MARCHF2: variants seen among roughly 807,000 people sequenced by gnomAD.
MARCHF2 encodes E3 ubiquitin-protein ligase MARCHF2.
MARCHF2 carries 22 observed loss-of-function variants against 24.0 expected under a neutral mutation model. The observed-to-expected ratio is 0.92, with a 90% confidence interval of 0.66 to 1.31. The LOEUF (loss-of-function observed/expected upper bound fraction) is 1.31. Ranked by LOEUF, MARCHF2 falls within the 50% of genes most tolerant of loss-of-function variation. The pLI is 0.00. For synonymous variants in MARCHF2, 154 were observed against 153.0 expected (o/e 1.01, Z -0.05); for missense variants, 301 against 335.3 (o/e 0.90, Z 0.80).
At chr19:8,416,285 T>G (rs1194570432) in intron 1 of MARCHF2, among the ~76,000 whole-genome samples, 1 of 140,330 alleles carries the variant, frequency 7.1e-6, no homozygotes, top group African/African-American at 2.7e-5. Context: ...GAGGTTGCAG[T>G]GAGCTGAGAT....
At chr19:8,434,202 A>C (rs1304459649) in intron 4 of MARCHF2, among the ~76,000 whole-genome samples, 1 of 147,588 alleles carries the variant, frequency 6.8e-6, no homozygotes, top group Non-Finnish European at 1.5e-5. Context: ...CTCCTGTCTC[A>C]GCCTCCTGAG....
intron 2 of MARCHF2, among the ~76,000 whole-genome samples, chr19:8,422,416 A>G (rs1004317211): frequency 2.6e-5 from 4 of 151,220 alleles, no homozygotes; most frequent in African/African-American, 7.3e-5. Flanking sequence ...TTTTTGAAAC[A>G]GAGTCTCATT....
chr19:8,432,760 C>T (rs895454884), intron 4 of MARCHF2, among the ~76,000 whole-genome samples: 2 of 152,004 alleles, frequency 1.3e-5, no homozygotes, highest in Non-Finnish European at 2.9e-5. Flanking sequence ...TACTATACTC[C>T]ACCCTGGGTG....
At chr19:8,424,193 G>A (rs564594722) in intron 2 of MARCHF2, among the ~76,000 whole-genome samples, 1 of 152,260 alleles carries the variant, frequency 6.6e-6, no homozygotes, top group East Asian at 1.9e-4. Flanking sequence ...CATCCCCAGA[G>A]ACTGGGCCAG....
At chr19:8,414,721 G>A (rs1162112198) in intron 1 of MARCHF2, among the ~76,000 whole-genome samples, 1 of 152,164 alleles carries the variant, frequency 6.6e-6, no homozygotes, top group African/African-American at 2.4e-5. Context: ...GGGCAGGTAT[G>A]GAAAAGACTG....
At chr19:8,415,403 A>G (rs1967049268) in intron 1 of MARCHF2, among the ~76,000 whole-genome samples, 1 of 150,858 alleles carries the variant, frequency 6.6e-6, no homozygotes, top group Non-Finnish European at 1.5e-5. Context: ...AAAAGAAAAA[A>G]AAAAAAAAAC....
At chr19:8,428,076 T>C (rs554724378) in intron 3 of MARCHF2, among the ~76,000 whole-genome samples, 7 of 152,182 alleles carry the variant, frequency 4.6e-5, no homozygotes, top group Admixed American at 3.9e-4. Context: ...CTGGCTAACA[T>C]GGTGAAACCC....
chr19:8,438,308 C>A, intron 4 of MARCHF2, 80 bp from the exon 5 acceptor site: 2 of 1,470,048 alleles, frequency 1.4e-6, no homozygotes, highest in Non-Finnish European at 9.4e-7. Context: ...ATGGTTTGGG[C>A]CAACGCAGGT....
chr19:8,429,864 A>G (rs1967530430), intron 3 of MARCHF2, among the ~76,000 whole-genome samples: 2 of 145,070 alleles, frequency 1.4e-5, no homozygotes, highest in African/African-American at 5.1e-5. Context: ...GGGAAGGCCA[A>G]GCGTAGTAGA....
chr19:8,427,267 T>C (rs1440829062), intron 3 of MARCHF2, among the ~76,000 whole-genome samples: 1 of 152,004 alleles, frequency 6.6e-6, no homozygotes, highest in Non-Finnish European at 1.5e-5. Flanking sequence ...CAGGCTGGTC[T>C]CGAACTCCTG....
rs765245587 is a variant in MARCHF2 at position 8,438,421 on chromosome 19, G to C, written c.616G>C (p.Glu206Gln). ...SFRYHCQLYS[E>Q]WRKTNQKVRL... ...CCGCTACCACTGCCAGCTGTACTCCGAGTGGAGAAAGACCAACCAGAAAGT... is the reference window on the plus strand; with the variant it reads ...CCGCTACCACTGCCAGCTGTACTCCCAGTGGAGAAAGACCAACCAGAAAGT... The change falls in exon 5 of 5, where the codon GAG becomes CAG. Residue 206 changes from glutamate to glutamine, a missense_variant. Coordinates refer to ENST00000215555, the MANE Select transcript of MARCHF2 (RefSeq NM_001005415.2). 2 of 1,613,956 alleles carry C rather than the reference G, an allele frequency of 1.2e-6. No homozygotes were observed. Among genetic ancestry groups the C allele is most frequent in the South Asian group, 1.1e-5 (1 of 91,062 alleles).
chr19:8,423,088 C>G (rs1363049997), intron 2 of MARCHF2, among the ~76,000 whole-genome samples: 1 of 148,008 alleles, frequency 6.8e-6, no homozygotes, highest in Non-Finnish European at 1.5e-5. Flanking sequence ...GAGACAGAGT[C>G]TCACTTTGTC....
chr19:8,430,979 C>T lies in MARCHF2; in HGVS notation c.582+112C>T. On this transcript the variant is annotated intron_variant, in intron 4 of 4. Coordinates refer to ENST00000215555, the MANE Select transcript of MARCHF2 (RefSeq NM_001005415.2). This position sits in a 1 kb window ranked among gnomAD's most constrained non-coding sequence, Gnocchi z 4.4. ...CACGGGGCTCCCTGGCTGCCTCTGT[C>T]TATGGCCGTGGGTGGAAGAGAGCTT... 9.1e-7 allele frequency: 1 copy of T among 1,096,204 alleles called. No individual in the cohort carries two copies. The highest frequency in any genetic ancestry group is 1.3e-6 in the Non-Finnish European group (1 of 774,052). The allele number at this position is 1,096,204 out of a possible 1,614,324, so 67.9% of individuals were successfully genotyped here. A position where few individuals can be genotyped will look rare whatever the true frequency, so the allele number is the denominator to read the frequency against.
Position 8,421,860 on chromosome 19 carries a change from G to T in MARCHF2, c.20G>T (p.Cys7Phe). Residue 7 changes from cysteine (C) to phenylalanine (F), a missense_variant, in exon 2 of 5, where the codon TGC (cysteine) becomes TTC (phenylalanine). Cys to Phe is a radical substitution (Grantham distance 205). Transcript: ENST00000215555. ...GTGGCCATGACGACGGGTGACTGCT[G>T]CCACCTCCCCGGCTCCCTGTGTGAC... MTTGDC[C>F]HLPGSLCDCS... The T allele has an allele frequency of 6.2e-7, 1 of 1,611,132 alleles. No individual in the cohort carries two copies. Among genetic ancestry groups the T allele is most frequent in the South Asian group, 1.1e-5 (1 of 90,696 alleles).
At chr19:8,428,651 A>T (rs1465075802) in intron 3 of MARCHF2, among the ~76,000 whole-genome samples, 1 of 31,284 alleles carries the variant, frequency 3.2e-5, no homozygotes, top group Non-Finnish European at 6.4e-5. Context: ...CTCTATCTCA[A>T]AAAAAAAAAA....
At position 8,438,850 on chromosome 19, in the gene MARCHF2, G is replaced by C. The variant is rs1967804104; in HGVS notation, c.*304G>C. Reference sequence around the variant, plus strand: ...GGCACCTTCTGGGCCAGCAGCTGTGGCCGGTGTATCAAGGGCGCCCTTAAA... The same window carrying C: ...GGCACCTTCTGGGCCAGCAGCTGTGCCCGGTGTATCAAGGGCGCCCTTAAA... On this transcript the variant is annotated 3_prime_UTR_variant, in exon 5 of 5. Transcript: ENST00000215555. The C allele has an allele frequency of 3.7e-6, 1 of 270,140 alleles. No individual in the cohort carries two copies. The highest frequency in any genetic ancestry group is 9.4e-5 in the South Asian group (1 of 10,630). 16.7% of individuals were successfully genotyped at this position (270,140 alleles called of 1,614,324 possible).
intron 4 of MARCHF2, 139 bp from the exon 5 acceptor site, chr19:8,438,249 G>A: frequency 1.2e-6 from 1 of 839,948 alleles, no homozygotes; most frequent in Non-Finnish European, 1.9e-6. Flanking sequence ...CACTTTGTGG[G>A]AGGAATGTTC....
At chr19:8,419,025 C>T (rs1967156594) in intron 1 of MARCHF2, among the ~76,000 whole-genome samples, 1 of 152,000 alleles carries the variant, frequency 6.6e-6, no homozygotes, top group Non-Finnish European at 1.5e-5. Context: ...CCTGTATTGG[C>T]TTCAAGGAGG....
chr19:8,414,804 C>G (rs1419324736), intron 1 of MARCHF2, among the ~76,000 whole-genome samples: 1 of 152,126 alleles, frequency 6.6e-6, no homozygotes. Context: ...CCTGGAGGCT[C>G]CTTCTCAGGA....
Sources: allele counts gnomAD v4.1 joint callset (sites outside exome capture counted in the v4.1 genomes callset), GRCh38; gene constraint gnomAD v4.1.1; non-coding constraint Gnocchi (gnomAD v3.1); transcripts MANE v1.5; gene names NCBI Gene and HGNC (gene_info 2026-07-23, HGNC 2026-07-21).